NALF1: variants seen among roughly 807,000 people sequenced by gnomAD.
NALF1 encodes the protein family with sequence similarity 155 member A.
Under a neutral mutation model 48.4 loss-of-function variants are expected in NALF1, and 3 were observed. The observed-to-expected ratio is 0.06, with a 90% CI of 0.03 to 0.16. The LOEUF is 0.16. Among genes scored for constraint, NALF1 ranks in the 10% least tolerant of loss-of-function variants. The pLI is 1.00. For synonymous variants in NALF1, 262 were observed against 245.7 expected, an observed-to-expected ratio of 1.07 and a Z score of -0.62; for missense variants, 526 against 571.5, an observed-to-expected ratio of 0.92 and a Z score of 0.81.
At chr13:107,658,297 A>G (rs1288202013) in intron 1 of NALF1, among the ~76,000 whole-genome samples, 2 of 152,018 alleles carry the variant, frequency 1.3e-5, no homozygotes, top group African/African-American at 4.8e-5. Flanking sequence ...TCTCTCTTGC[A>G]ACATTCATTT....
intron 1 of NALF1, among the ~76,000 whole-genome samples, chr13:107,583,495 T>A (rs1427004684): frequency 1.3e-5 from 2 of 152,188 alleles, no homozygotes; most frequent in East Asian, 1.9e-4. Flanking sequence ...AATGATATAA[T>A]GTAGCAGGAG....
At chr13:107,516,110 A>C (rs748737541) in intron 1 of NALF1, among the ~76,000 whole-genome samples, 1 of 152,198 alleles carries the variant, frequency 6.6e-6, no homozygotes, top group Non-Finnish European at 1.5e-5. Flanking sequence ...TATTAACTGG[A>C]AAGGTTGAAG....
chr13:107,744,073 G>T (rs184202193), intron 1 of NALF1, among the ~76,000 whole-genome samples: 5 of 152,110 alleles, frequency 3.3e-5, no homozygotes, highest in African/African-American at 1.2e-4. Context: ...AAAAGACAGA[G>T]GTATATATTA....
intron 1 of NALF1, among the ~76,000 whole-genome samples, chr13:107,744,608 C>T (rs976634779): frequency 1.3e-5 from 2 of 152,326 alleles, no homozygotes; most frequent in South Asian, 2.1e-4. Flanking sequence ...GCTCCTTCCT[C>T]TTCTTTGACA....
At chr13:107,176,853 A>G (rs1002483377) in intron 2 of NALF1, among the ~76,000 whole-genome samples, 3 of 151,998 alleles carry the variant, frequency 2.0e-5, no homozygotes, top group Non-Finnish European at 4.4e-5. Flanking sequence ...AATAAGTCAA[A>G]TTATTCTTTG....
intron 1 of NALF1, among the ~76,000 whole-genome samples, chr13:107,742,398 G>A (rs1324749928): frequency 6.6e-6 from 1 of 152,172 alleles, no homozygotes; most frequent in East Asian, 1.9e-4. Flanking sequence ...TCCTGGGAAG[G>A]ACCCAGGAGG....
chr13:107,782,022 T>TCTCTCC (rs983337375), intron 1 of NALF1, among the ~76,000 whole-genome samples: 4 of 152,208 alleles, frequency 2.6e-5, no homozygotes, highest in East Asian at 1.9e-4. Context: ...AAGAAAATCT[T>TCTCTCC]CTCTCCCTCT....
chr13:107,329,387 C>T (rs1376869825), intron 1 of NALF1, among the ~76,000 whole-genome samples: 2 of 152,150 alleles, frequency 1.3e-5, no homozygotes, highest in Non-Finnish European at 2.9e-5. Flanking sequence ...CTGATCTCAA[C>T]TATCCAGGGA....
intron 1 of NALF1, among the ~76,000 whole-genome samples, chr13:107,846,999 T>C (rs1365328008): frequency 6.6e-6 from 1 of 152,156 alleles, no homozygotes; most frequent in Non-Finnish European, 1.5e-5. Flanking sequence ...CTAAAGCAAT[T>C]ATATAACATT....
chr13:107,355,964 A>C (rs954599400), intron 1 of NALF1, among the ~76,000 whole-genome samples: 1 of 152,174 alleles, frequency 6.6e-6, no homozygotes, highest in Non-Finnish European at 1.5e-5. Context: ...TCTGGCCCCT[A>C]AAAAATTCAA....
chr13:107,824,124 C>T (rs1261375665), intron 1 of NALF1, among the ~76,000 whole-genome samples: 12 of 151,938 alleles, frequency 7.9e-5, no homozygotes, highest in Admixed American at 5.9e-4. Flanking sequence ...TGAATATTTC[C>T]ATATTATATT....
At chr13:107,630,774 A>G (rs1055460322) in intron 1 of NALF1, among the ~76,000 whole-genome samples, 2 of 152,094 alleles carry the variant, frequency 1.3e-5, no homozygotes, top group African/African-American at 4.8e-5. Context: ...ATACTAGGAC[A>G]TAATTCAACA....
intron 1 of NALF1, among the ~76,000 whole-genome samples, chr13:107,271,803 TA>T (rs56106230): frequency 0.36 from 33,732 of 93,522 alleles, 5,310 homozygotes; most frequent in Non-Finnish European, 0.48. Context: ...TATATATATA[TA>T]TATATATATA....
intron 1 of NALF1, among the ~76,000 whole-genome samples, chr13:107,587,340 C>T (rs1246253378): frequency 1.3e-5 from 2 of 152,084 alleles, no homozygotes; most frequent in South Asian, 2.1e-4. Flanking sequence ...ACAGTCTCTT[C>T]GGAAGATCAG....
intron 1 of NALF1, among the ~76,000 whole-genome samples, chr13:107,240,429 C>A (rs554738355): frequency 6.6e-6 from 1 of 152,276 alleles, no homozygotes; most frequent in South Asian, 2.1e-4. Context: ...AGTTTCCTAA[C>A]CTACAAAATG....
intron 1 of NALF1, among the ~76,000 whole-genome samples, chr13:107,536,072 G>C (rs558962635): frequency 4.6e-5 from 7 of 151,964 alleles, no homozygotes; most frequent in African/African-American, 1.4e-4. Context: ...ATACAAAAAT[G>C]AATTCAAGAT....
intron 1 of NALF1, among the ~76,000 whole-genome samples, chr13:107,750,972 A>G (rs1184022004): frequency 6.6e-6 from 1 of 152,224 alleles, no homozygotes; most frequent in African/African-American, 2.4e-5. Context: ...GGACAGGTGG[A>G]AACCTTAATT....
chr13:107,611,474 T>C (rs1879222669), intron 1 of NALF1, among the ~76,000 whole-genome samples: 1 of 135,986 alleles, frequency 7.4e-6, no homozygotes. Flanking sequence ...ATGTGGCACA[T>C]AAATAACATG....
At chr13:107,202,832 G>C (rs1879550251) in intron 2 of NALF1, among the ~76,000 whole-genome samples, 1 of 152,160 alleles carries the variant, frequency 6.6e-6, no homozygotes, top group Non-Finnish European at 1.5e-5. Context: ...GCTTACACAT[G>C]AATTTCAGGA....
Sources: gnomAD v4.1 joint callset for allele counts (sites outside exome capture counted in the v4.1 genomes callset) on GRCh38, gnomAD v4.1.1 for gene constraint, MANE v1.5 for transcripts, NCBI Gene and HGNC (gene_info 2026-07-23, HGNC 2026-07-21) for gene names.